The following LURAP1L variants were observed in gnomAD, a reference collection of about 807,000 sequenced individuals.
LURAP1L encodes leucine rich adaptor protein 1-like.
A neutral mutation model predicts 13.8 loss-of-function variants in LURAP1L; 12 were observed. The observed-to-expected ratio is 0.87, with a 90% CI of 0.56 to 1.41. The LOEUF is 1.41. Ranked by LOEUF, LURAP1L falls within the 40% of genes most tolerant of loss-of-function variation. LURAP1L has a pLI of 0.00. For synonymous variants in LURAP1L, 139 were observed against 119.2 expected, an observed-to-expected ratio of 1.17 and a Z score of -1.08; for missense variants, 375 against 292.9, an observed-to-expected ratio of 1.28 and a Z score of -2.04.
At chr9:12,804,346 A>ATT (rs5896539) in intron 1 of LURAP1L, among the ~76,000 whole-genome samples, 23,550 of 141,404 alleles carry the variant, frequency 0.17, 2,279 homozygotes, top group South Asian at 0.26. Flanking sequence ...TTGTTATCTG[A>ATT]TTTTTTTTTT....
intron 1 of LURAP1L, among the ~76,000 whole-genome samples, chr9:12,816,190 T>C (rs953345566): frequency 1.3e-5 from 2 of 152,200 alleles, no homozygotes; most frequent in African/African-American, 4.8e-5. Context: ...ATGCCTGAAA[T>C]GTTATAAGAC....
chr9:12,784,607 G>A lies in LURAP1L; in HGVS notation c.312+8580G>A, dbSNP rs551822888. On this transcript the variant is annotated intron_variant, in intron 1 of 1. Transcript: ENST00000319264. ...GAGGGGTGACACGAGCACCTCTGTGGCCACCACTACTGCAACTGTGCTGAG... is the reference window on the plus strand; with the variant it reads ...GAGGGGTGACACGAGCACCTCTGTGACCACCACTACTGCAACTGTGCTGAG... Among the ~76,000 whole-genome samples the A allele has an allele frequency of 8.5e-5, 13 of 152,238 alleles. No homozygotes were observed. The East Asian group carries it at 9.7e-4, about 11-fold the overall frequency.
intron 1 of LURAP1L, among the ~76,000 whole-genome samples, chr9:12,789,570 C>T (rs1476500926): frequency 1.3e-5 from 2 of 152,126 alleles, no homozygotes; most frequent in Non-Finnish European, 2.9e-5. Flanking sequence ...AATGTCCTCT[C>T]TTTATAGAAT....
chr9:12,797,127 C>A (rs1200231308), intron 1 of LURAP1L, among the ~76,000 whole-genome samples: 1 of 151,958 alleles, frequency 6.6e-6, no homozygotes, highest in African/African-American at 2.4e-5. Flanking sequence ...ACATTATCAA[C>A]AACCAAAACC....
At chr9:12,793,362 T>C (rs546099536) in intron 1 of LURAP1L, among the ~76,000 whole-genome samples, 11 of 152,220 alleles carry the variant, frequency 7.2e-5, no homozygotes, top group African/African-American at 2.6e-4. Context: ...AGGTTATCAC[T>C]TAATGAAGGT....
At chr9:12,783,455 A>T (rs1381161910) in intron 1 of LURAP1L, among the ~76,000 whole-genome samples, 3 of 152,188 alleles carry the variant, frequency 2.0e-5, no homozygotes, top group Non-Finnish European at 2.9e-5. Flanking sequence ...TATCAACTGA[A>T]ATTATCATAT....
At chr9:12,809,832 TG>T (rs1586885709) in intron 1 of LURAP1L, among the ~76,000 whole-genome samples, 2 of 152,354 alleles carry the variant, frequency 1.3e-5, no homozygotes, top group East Asian at 3.9e-4. Context: ...CTAGTATCCT[TG>T]CTTTTGTCTA....
intron 1 of LURAP1L, among the ~76,000 whole-genome samples, chr9:12,805,596 A>G (rs1429941853): frequency 6.6e-6 from 1 of 152,208 alleles, no homozygotes; most frequent in East Asian, 1.9e-4. Context: ...AAAATATGGA[A>G]CAACTAACCA....
At chr9:12,794,702 T>C (rs2118498398) in intron 1 of LURAP1L, among the ~76,000 whole-genome samples, 1 of 152,076 alleles carries the variant, frequency 6.6e-6, no homozygotes, top group East Asian at 1.9e-4. Context: ...CACTCTTTGT[T>C]GAGCAACTGA....
At chr9:12,788,089 G>C (rs1819383248) in intron 1 of LURAP1L, among the ~76,000 whole-genome samples, 1 of 148,926 alleles carries the variant, frequency 6.7e-6, no homozygotes, top group African/African-American at 2.5e-5. Flanking sequence ...TCCAGCCTTG[G>C]TGACAGAGCG....
chr9:12,792,448 T>C (rs1327273714), intron 1 of LURAP1L, among the ~76,000 whole-genome samples: 1 of 152,152 alleles, frequency 6.6e-6, no homozygotes, highest in African/African-American at 2.4e-5. Context: ...TCCTCAGTCC[T>C]GAAGTTATGA....
At chr9:12,802,319 T>C (rs1480432702) in intron 1 of LURAP1L, among the ~76,000 whole-genome samples, 1 of 152,160 alleles carries the variant, frequency 6.6e-6, no homozygotes, top group Non-Finnish European at 1.5e-5. Flanking sequence ...AGGTTGGGCC[T>C]GGTGGGAGGG....
At chr9:12,801,936 T>A (rs994142555) in intron 1 of LURAP1L, among the ~76,000 whole-genome samples, 4 of 152,180 alleles carry the variant, frequency 2.6e-5, no homozygotes, top group African/African-American at 9.6e-5. Context: ...ATGATTCACA[T>A]ATACAAATTA....
chr9:12,789,206 T>A (rs1819406611), intron 1 of LURAP1L, among the ~76,000 whole-genome samples: 1 of 152,158 alleles, frequency 6.6e-6, no homozygotes, highest in African/African-American at 2.4e-5. Context: ...AACTCTGTGT[T>A]TTTCTAGAGA....
At chr9:12,809,731 T>C (rs1296922418) in intron 1 of LURAP1L, among the ~76,000 whole-genome samples, 1 of 152,194 alleles carries the variant, frequency 6.6e-6, no homozygotes, top group Admixed American at 6.5e-5. Context: ...GATAGATAGG[T>C]CTTTAGTGCA....
chr9:12,777,175 T>A (rs1819199225), intron 1 of LURAP1L: 1 of 882,316 alleles, frequency 1.1e-6, no homozygotes, highest in African/African-American at 1.8e-5. Flanking sequence ...TAGAGTTCTA[T>A]CATTTAGTGA....
At chr9:12,819,143 A>T (rs1401949117) in intron 1 of LURAP1L, among the ~76,000 whole-genome samples, 2 of 152,172 alleles carry the variant, frequency 1.3e-5, no homozygotes, top group African/African-American at 4.8e-5. Context: ...TCTCAAGGCT[A>T]AGTTCACATC....
At chr9:12,804,215 T>G (rs538670457) in intron 1 of LURAP1L, among the ~76,000 whole-genome samples, 1 of 152,316 alleles carries the variant, frequency 6.6e-6, no homozygotes, top group South Asian at 2.1e-4. Flanking sequence ...TGATGGAAAC[T>G]TTTGTCACAG....
At chr9:12,789,573 T>C (rs978232876) in intron 1 of LURAP1L, among the ~76,000 whole-genome samples, 2 of 152,340 alleles carry the variant, frequency 1.3e-5, no homozygotes, top group East Asian at 1.9e-4. Flanking sequence ...GTCCTCTCTT[T>C]ATAGAATCAG....
Sources: gnomAD v4.1 joint callset for allele counts (sites outside exome capture counted in the v4.1 genomes callset) on GRCh38, gnomAD v4.1.1 for gene constraint, MANE v1.5 for transcripts, NCBI Gene and HGNC (gene_info 2026-07-23, HGNC 2026-07-21) for gene names.